EAF1: variants seen among roughly 807,000 people sequenced by gnomAD.
The protein encoded by EAF1 is ELL associated factor 1, also known as ELL-associated factor 1.
A neutral mutation model predicts 26.6 loss-of-function variants in EAF1; 19 were observed. That is an observed-to-expected ratio of 0.71 (90% CI 0.50 to 1.05). EAF1 has a LOEUF of 1.05. Among genes scored for constraint, EAF1 ranks in the 50% least tolerant of loss-of-function variants. The pLI, the probability that EAF1 is intolerant of heterozygous loss-of-function variation, is 0.00. For missense variants in EAF1, 260 were observed against 335.5 expected (o/e 0.78, Z 1.76); for synonymous variants, 102 against 120.6 (o/e 0.85, Z 1.01).
rs1432398377 is a variant in EAF1, at chr3:15,441,491, T to C, written c.*2336T>C. ...GTGCCCTGTGTGTACATACTGACCT[T>C]TTTTTTTTTTTTTTTTTTTTGCTTG... On this transcript the variant is annotated 3_prime_UTR_variant, in exon 6 of 6. Transcript: ENST00000396842. The C allele has an allele frequency of 6.7e-5, 3 of 45,008 alleles. No individual in the cohort carries two copies. In the East Asian group the frequency reaches 2.3e-3, roughly 34 times the overall value. 2.8% of individuals were successfully genotyped at this position (45,008 alleles called of 1,614,324 possible).
At chr3:15,436,681 G>C in intron 5 of EAF1, 106 bp downstream of exon 5, 1 of 963,128 alleles carries the variant, frequency 1.0e-6, no homozygotes, top group East Asian at 2.5e-5. Flanking sequence ...CATGGGAGAG[G>C]ATCTTGTTAA....
rs764559837 is a variant in EAF1, at chr3:15,432,108, G to A, written c.220G>A (p.Val74Met). The part of the protein sequence containing the change: ...HIPGSTPPMT[V>M]FKGNKRPYQK... ...ATAGGGATCCACACCACCCATGACT[G>A]TGTTCAAGGGGAACAAACGGCCTTA... Residue 74 changes from valine to methionine, a missense_variant, in exon 3 of 6, where the codon GTG becomes ATG. Transcript: ENST00000396842. The A allele has an allele frequency of 1.9e-6, 3 of 1,614,092 alleles. No homozygotes were observed. Among genetic ancestry groups the A allele is most frequent in the South Asian group, 2.2e-5 (2 of 91,078 alleles).
chr3:15,436,520 C>A lies in EAF1; in HGVS notation c.705C>A (p.Ala235=). ...SHQQPYNSRP[A]VANGTSRPQG... is the part of the protein sequence containing the mutation. ...AGCAGCCCTACAACAGTAGGCCTGC[C>A]GTTGCCAATGGAACCAGCCGGCCAC... Residue 235 remains alanine, a synonymous_variant, in exon 5 of 6, where the codon GCC becomes GCA. Coordinates refer to ENST00000396842, the MANE Select transcript of EAF1 (RefSeq NM_033083.7). 6.3e-7 allele frequency: 1 copy of A among 1,594,914 alleles called. No individual in the cohort carries two copies. The highest frequency in any genetic ancestry group is 8.6e-7 in the Non-Finnish European group (1 of 1,163,792).
At chr3:15,428,949 GAA>G (rs2061778968) in intron 1 of EAF1, among the ~76,000 whole-genome samples, 1 of 152,212 alleles carries the variant, frequency 6.6e-6, no homozygotes, top group Non-Finnish European at 1.5e-5. Context: ...CTTTCAGAGA[GAA>G]GAGATGGGAA....
chr3:15,427,655 T>G lies in EAF1; in HGVS notation c.-125T>G. ...CTTCTGGACCCGGGTGGGTGCCGGC[T>G]CGGCTCTCCTTGTCTTCCAGAGCGG... On this transcript the variant is annotated 5_prime_UTR_variant, in exon 1 of 6. Coordinates refer to ENST00000396842, the MANE Select transcript of EAF1 (RefSeq NM_033083.7). 2 of 1,014,802 alleles carry G rather than the reference T, an allele frequency of 2.0e-6. No individual in the cohort carries two copies. The highest frequency in any genetic ancestry group is 2.9e-6 in the Non-Finnish European group (2 of 678,182). The allele number at this position is 1,014,802 out of a possible 1,614,324, so 62.9% of individuals were successfully genotyped here. A position where few individuals can be genotyped will look rare whatever the true frequency, so the allele number is the denominator to read the frequency against.
intron 3 of EAF1, among the ~76,000 whole-genome samples, chr3:15,432,674 T>G (rs1231714826): frequency 6.6e-6 from 1 of 152,228 alleles, no homozygotes; most frequent in Non-Finnish European, 1.5e-5. Context: ...GTGAACTCTT[T>G]AATTCAACAG....
chr3:15,435,905 A>C (rs903425024), intron 4 of EAF1, among the ~76,000 whole-genome samples: 1 of 152,186 alleles, frequency 6.6e-6, no homozygotes, highest in Non-Finnish European at 1.5e-5. Context: ...TGCTGGTTAG[A>C]GGTAAATCCA....
At chr3:15,428,838 C>T (rs182893027) in intron 1 of EAF1, among the ~76,000 whole-genome samples, 1 of 152,192 alleles carries the variant, frequency 6.6e-6, no homozygotes, top group Non-Finnish European at 1.5e-5. Context: ...ATAGATGTGA[C>T]TCAACACATG....
At position 15,427,796 on chromosome 3, in the gene EAF1, A is replaced by G. The variant is rs1041694440; in HGVS notation, c.17A>G (p.Asn6Ser). ...TGCGGGGCCATGAATGGGACCGCAA[A>G]CCCGCTGCTGGACCGCGAGGAACAT... MNGTANPLLDREEHCL... is the reference protein window; with the variant it reads MNGTASPLLDREEHCL... Residue 6 changes from asparagine (N) to serine (S), a missense_variant, in exon 1 of 6, where the codon AAC becomes AGC. By Grantham distance (46) the Asn-to-Ser change is conservative. Coordinates refer to ENST00000396842, the MANE Select transcript of EAF1 (RefSeq NM_033083.7). 6.7e-5 allele frequency: 104 copies of G among 1,551,246 alleles called. No homozygotes were observed. The East Asian group carries it at 2.5e-3, about 37-fold the overall frequency.
intron 1 of EAF1, 148 bp downstream of exon 1, chr3:15,428,030 G>A: frequency 1.5e-6 from 1 of 655,140 alleles, no homozygotes; most frequent in Non-Finnish European, 2.6e-6. Context: ...AATCCTTTGG[G>A]ACATCGATTT....
chr3:15,428,226 G>A (rs893322477), intron 1 of EAF1, among the ~76,000 whole-genome samples: 1 of 103,576 alleles, frequency 9.7e-6, no homozygotes, highest in African/African-American at 3.9e-5. Flanking sequence ...CCTCTTATCC[G>A]GGTCCACTTC....
At chr3:15,435,553 T>A (rs527536734) in intron 4 of EAF1, among the ~76,000 whole-genome samples, 1 of 151,536 alleles carries the variant, frequency 6.6e-6, no homozygotes, top group South Asian at 2.1e-4. Flanking sequence ...AGAGCATGAG[T>A]GGTTAGTTGT....
rs191834479 is a variant in EAF1 at position 15,438,725 on chromosome 3, A to G, written c.761-384A>G. On this transcript the variant is annotated intron_variant, in intron 5 of 5. Transcript: ENST00000396842. ...TTTTTAGTAGAGATGGGGTTTCGCC[A>G]CGTTGGCCAGGCTGGTCTCCAACTG... is the stretch of plus-strand genomic sequence containing the variant. The G allele has an allele frequency of 4.3e-3, 690 of 160,664 alleles. 4 individuals are homozygous for G. The highest frequency in any genetic ancestry group is 0.016 in the African/African-American group (660 of 41,704). 10.0% of individuals were successfully genotyped at this position (160,664 alleles called of 1,614,324 possible).
At position 15,439,879 on chromosome 3, in the gene EAF1, A is replaced by G. The variant is rs1168622687; in HGVS notation, c.*724A>G. The G allele has an allele frequency of 6.6e-6, 1 of 152,252 alleles. No homozygotes were observed. The highest frequency in any genetic ancestry group is 2.4e-5 in the African/African-American group (1 of 41,476). 9.4% of individuals were successfully genotyped at this position (152,252 alleles called of 1,614,324 possible). ...CATTTGTAGGAATCAAGAGATTCCT[A>G]TACATGGGACTTTTAGATGTACATT... On this transcript the variant is annotated 3_prime_UTR_variant, in exon 6 of 6. Transcript: ENST00000396842.
At position 15,427,874 on chromosome 3, in the gene EAF1, CTA is replaced by C; in HGVS notation, c.97_98del (p.Ile33SerfsTer3). 1 of 1,547,564 alleles carries C rather than the reference CTA, an allele frequency of 6.5e-7. No homozygotes were observed. The highest frequency in any genetic ancestry group is 8.7e-7 in the Non-Finnish European group (1 of 1,144,644). On this transcript the variant is annotated frameshift_variant, in exon 1 of 6. Coordinates refer to ENST00000396842, the MANE Select transcript of EAF1 (RefSeq NM_033083.7). LOFTEE classifies it high-confidence loss of function. ...AAGCGGCCGCGGGCCTCCTTCCACA[CTA>C]TTCGTTGTAAGTCAGCGCTCCCCAC...
At position 15,439,227 on chromosome 3, in the gene EAF1, C is replaced by T; in HGVS notation, c.*72C>T. The T allele has an allele frequency of 4.1e-6, 6 of 1,475,588 alleles. No individual in the cohort carries two copies. The highest frequency in any genetic ancestry group is 5.6e-6 in the Non-Finnish European group (6 of 1,069,044). The allele number at this position is 1,475,588 out of a possible 1,614,324, so 91.4% of individuals were successfully genotyped here. ...AGACTGAGCTACTTTGGCGTGGAGT[C>T]CATTGCAAGAGGAAAATGTTATGGA... is the stretch of plus-strand genomic sequence containing the variant. On this transcript the variant is annotated 3_prime_UTR_variant, in exon 6 of 6. Coordinates refer to ENST00000396842, the MANE Select transcript of EAF1 (RefSeq NM_033083.7).
rs1156964977 is a variant in EAF1 at position 15,427,969 on chromosome 3, C to CA, written c.103+88dup. ...TCCTTCCTTTCTTCCCTCGGCCCTT[C>CA]AGATTCCAGGGAACCCCCTGCCAGC... On this transcript the variant is annotated intron_variant, in intron 1 of 5. Transcript: ENST00000396842. The CA allele has an allele frequency of 3.5e-6, 4 of 1,127,608 alleles. No homozygotes were observed. In the Admixed American group the frequency reaches 8.7e-5, roughly 24 times the overall value. 69.9% of individuals were successfully genotyped at this position (1,127,608 alleles called of 1,614,324 possible).
chr3:15,439,671 G>A lies in EAF1; in HGVS notation c.*516G>A, dbSNP rs2061854903. On this transcript the variant is annotated 3_prime_UTR_variant, in exon 6 of 6. Coordinates refer to ENST00000396842, the MANE Select transcript of EAF1 (RefSeq NM_033083.7). ...AGTTTTGTCTGACTCAGCCTGACAAGCCTGGATAGAAATGGACCTCAGAAT... is the reference window on the plus strand; with the variant it reads ...AGTTTTGTCTGACTCAGCCTGACAAACCTGGATAGAAATGGACCTCAGAAT... 1 of 152,466 alleles carries A rather than the reference G, an allele frequency of 6.6e-6. No homozygotes were observed. The highest frequency in any genetic ancestry group is 6.5e-5 in the Admixed American group (1 of 15,286). 9.4% of individuals were successfully genotyped at this position (152,466 alleles called of 1,614,324 possible).
chr3:15,429,510 A>C (rs569753369), intron 1 of EAF1, among the ~76,000 whole-genome samples: 1 of 152,280 alleles, frequency 6.6e-6, no homozygotes, highest in East Asian at 1.9e-4. Context: ...TGATCCTCAC[A>C]ACCCTAAAAA....
Sources: gnomAD v4.1 joint callset for allele counts (sites outside exome capture counted in the v4.1 genomes callset) on GRCh38, gnomAD v4.1.1 for gene constraint, MANE v1.5 for transcripts, NCBI Gene and HGNC (gene_info 2026-07-23, HGNC 2026-07-21) for gene names.